The following MAGI2 variants were observed in gnomAD, a reference collection of about 807,000 sequenced individuals.
The protein encoded by MAGI2 is membrane associated guanylate kinase, WW and PDZ domain containing 2.
MAGI2 carries 35 observed loss-of-function variants against 133.3 expected under a neutral mutation model. The ratio of observed to expected loss-of-function variants is 0.26; its 90% CI spans 0.20 to 0.35. The LOEUF (loss-of-function observed/expected upper bound fraction) is 0.35, where lower values mean the gene tolerates loss of function less well. Among genes scored for constraint, MAGI2 ranks in the 10% least tolerant of loss-of-function variants. MAGI2 has a pLI of 1.00. For synonymous variants in MAGI2, 729 were observed against 710.6 expected (o/e 1.03, Z -0.41); for missense variants, 1,636 against 1,863.4 (o/e 0.88, Z 2.25).
At chr7:79,179,972 C>T (rs1323299707) in intron 1 of MAGI2, among the ~76,000 whole-genome samples, 2 of 151,998 alleles carry the variant, frequency 1.3e-5, no homozygotes, top group Admixed American at 6.6e-5. Flanking sequence ...AAACAATGAA[C>T]AGAGTGAAGA....
chr7:78,250,044 C>T (rs1584561179), intron 10 of MAGI2, among the ~76,000 whole-genome samples: 1 of 148,046 alleles, frequency 6.8e-6, no homozygotes, highest in East Asian at 2.0e-4. Context: ...CAACAATATC[C>T]ATTAGCTTTA....
intron 2 of MAGI2, among the ~76,000 whole-genome samples, chr7:78,750,327 T>A (rs1274434980): frequency 6.6e-6 from 1 of 152,180 alleles, no homozygotes; most frequent in Non-Finnish European, 1.5e-5. Flanking sequence ...TTGTGAACAG[T>A]GCTGCAATAA....
intron 9 of MAGI2, among the ~76,000 whole-genome samples, chr7:78,277,848 C>T (rs1238636684): frequency 6.6e-6 from 1 of 152,022 alleles, no homozygotes; most frequent in African/African-American, 2.4e-5. Flanking sequence ...TGTCTATCTA[C>T]TACATCTAAG....
chr7:78,729,788 C>T (rs1049605244), intron 2 of MAGI2, among the ~76,000 whole-genome samples: 5 of 152,118 alleles, frequency 3.3e-5, no homozygotes, highest in African/African-American at 4.8e-5. Flanking sequence ...TGGCTTTCTA[C>T]GTAGATCTTT....
intron 1 of MAGI2, among the ~76,000 whole-genome samples, chr7:79,257,778 G>T (rs950970278): frequency 1.3e-5 from 2 of 152,046 alleles, no homozygotes; most frequent in African/African-American, 2.4e-5. Context: ...TTGCTGGATG[G>T]TGCCTATGTC....
At chr7:78,258,627 T>C (rs1178585057) in intron 9 of MAGI2, among the ~76,000 whole-genome samples, 5 of 152,204 alleles carry the variant, frequency 3.3e-5, no homozygotes, top group Non-Finnish European at 5.9e-5. Context: ...CTAAATAGTA[T>C]CTAATCTCTA....
At chr7:78,247,954 A>G (rs1302437564) in intron 10 of MAGI2, among the ~76,000 whole-genome samples, 1 of 152,244 alleles carries the variant, frequency 6.6e-6, no homozygotes, top group Non-Finnish European at 1.5e-5. Flanking sequence ...AGATAAAAAC[A>G]TCCAGATTAA....
At chr7:79,168,893 T>TATATAG (rs1825224114) in intron 1 of MAGI2, among the ~76,000 whole-genome samples, 1 of 7,412 alleles carries the variant, frequency 1.3e-4, no homozygotes, top group Non-Finnish European at 4.8e-4. Flanking sequence ...AAGATAGATA[T>TATATAG]ATATATATAT....
At chr7:78,865,684 A>G (rs953757424) in intron 2 of MAGI2, among the ~76,000 whole-genome samples, 4 of 152,196 alleles carry the variant, frequency 2.6e-5, no homozygotes, top group Non-Finnish European at 5.9e-5. Flanking sequence ...AATTGATGAG[A>G]AAGAAAATAG....
chr7:78,541,194 A>AT (rs201711388), intron 3 of MAGI2, among the ~76,000 whole-genome samples: 174 of 150,758 alleles, frequency 1.2e-3, no homozygotes, highest in African/African-American at 3.5e-3. Context: ...TGCAATAAGG[A>AT]TTTTTTTTTT....
chr7:78,875,397 A>C (rs1433657495), intron 2 of MAGI2, among the ~76,000 whole-genome samples: 1 of 152,194 alleles, frequency 6.6e-6, no homozygotes, highest in East Asian at 1.9e-4. Context: ...AATGTCTCCA[A>C]ATTTGCATAT....
intron 1 of MAGI2, among the ~76,000 whole-genome samples, chr7:79,148,632 A>T (rs7807495): frequency 0.014 from 2,163 of 151,626 alleles, 53 homozygotes; most frequent in African/African-American, 0.05. Context: ...TTCAGAGGTA[A>T]CTCACTCTGG....
intron 1 of MAGI2, among the ~76,000 whole-genome samples, chr7:79,045,167 A>C (rs1207853685): frequency 6.6e-6 from 1 of 152,234 alleles, no homozygotes; most frequent in Non-Finnish European, 1.5e-5. Context: ...TTTATATAAA[A>C]GTAAATGTAA....
chr7:79,303,682 CA>C (rs1837548414), intron 1 of MAGI2, among the ~76,000 whole-genome samples: 1 of 152,136 alleles, frequency 6.6e-6, no homozygotes, highest in Non-Finnish European at 1.5e-5. Context: ...TGAACTCTGA[CA>C]ATGTTTACCA....
At chr7:79,113,631 A>G (rs959212920) in intron 1 of MAGI2, among the ~76,000 whole-genome samples, 4 of 152,200 alleles carry the variant, frequency 2.6e-5, no homozygotes, top group African/African-American at 9.7e-5. Flanking sequence ...CAAAGTTTTT[A>G]CTTTGTGCAA....
intron 2 of MAGI2, among the ~76,000 whole-genome samples, chr7:78,655,453 C>CCAAAAAAAAAAAAAAAAAAAAAAACAA (rs1812090821): frequency 4.1e-5 from 2 of 48,368 alleles, no homozygotes; most frequent in Non-Finnish European, 8.7e-5. Context: ...AAAAAAACAA[C>CCAAAAAAAAAAAAAAAAAAAAAAACAA]CAAAAAAAAA....
intron 2 of MAGI2, among the ~76,000 whole-genome samples, chr7:78,703,570 G>A (rs1046671848): frequency 6.6e-6 from 1 of 151,966 alleles, no homozygotes; most frequent in Non-Finnish European, 1.5e-5. Context: ...ATACAACAGT[G>A]GTTGTCCATG....
chr7:78,668,690 A>G (rs553207225), intron 2 of MAGI2, among the ~76,000 whole-genome samples: 18 of 152,198 alleles, frequency 1.2e-4, no homozygotes, highest in Admixed American at 2.6e-4. Context: ...GTTTGTCAAA[A>G]TGTAAAAGTA....
intron 6 of MAGI2, among the ~76,000 whole-genome samples, chr7:78,444,410 A>T (rs919286257): frequency 2.0e-5 from 3 of 152,034 alleles, no homozygotes; most frequent in Non-Finnish European, 4.4e-5. Context: ...TCGAGTTTTA[A>T]TACTCTCTGC....
Sources: allele counts gnomAD v4.1 joint callset (sites outside exome capture counted in the v4.1 genomes callset), GRCh38; gene constraint gnomAD v4.1.1; transcripts MANE v1.5; gene names NCBI Gene and HGNC (gene_info 2026-07-23, HGNC 2026-07-21).